MAP2: variants seen among roughly 807,000 people sequenced by gnomAD.
MAP2 encodes the protein microtubule associated protein 2.
MAP2 carries 14 observed loss-of-function variants against 137.6 expected under a neutral mutation model. That is an observed-to-expected ratio of 0.10 (90% CI 0.07 to 0.16). The LOEUF is 0.16. MAP2 is among the 10% of genes least tolerant of loss of function. The probability of loss-of-function intolerance (pLI) is 1.00; values close to 1 mark genes in which losing one functional copy is unlikely to be tolerated. For missense variants in MAP2, 2,088 were observed against 2,191.5 expected, an observed-to-expected ratio of 0.95 and a Z score of 0.94; for synonymous variants, 786 against 782.3, an observed-to-expected ratio of 1.00 and a Z score of -0.08.
In MAP2 at chr2:209,482,267, T is replaced by G. The variant is rs145679697; in HGVS notation, c.-221-25325T>G. 3.9e-3 allele frequency among the ~76,000 whole-genome samples: 588 copies of G among 152,290 alleles called. 5 individuals are homozygous for G. The highest frequency in any genetic ancestry group is 0.013 in the African/African-American group (559 of 41,552). On this transcript the variant is annotated intron_variant, in intron 1 of 15. Transcript: ENST00000682079. ...TCTCATACAGTATAGATATCCAACA[T>G]TACACAATATAGACATGAAAAAATG...
At chr2:209,458,051 A>G (rs1248262151) in intron 1 of MAP2, among the ~76,000 whole-genome samples, 1 of 152,146 alleles carries the variant, frequency 6.6e-6, no homozygotes, top group Admixed American at 6.5e-5. Flanking sequence ...TGTCCTGAGC[A>G]TTGGGATAAT....
chr2:209,637,990 T>G (rs1351165586), intron 4 of MAP2, among the ~76,000 whole-genome samples: 1 of 152,158 alleles, frequency 6.6e-6, no homozygotes, highest in Non-Finnish European at 1.5e-5. Flanking sequence ...GCCACATCTA[T>G]TAAGACTTTT....
chr2:209,440,351 T>A (rs1181580986), intron 1 of MAP2, among the ~76,000 whole-genome samples: 2 of 151,522 alleles, frequency 1.3e-5, no homozygotes, highest in Non-Finnish European at 3.0e-5. Context: ...TTTGAAAGAA[T>A]CAACACTATC....
chr2:209,450,851 A>T (rs565241642), intron 1 of MAP2, among the ~76,000 whole-genome samples: 7 of 152,298 alleles, frequency 4.6e-5, no homozygotes, highest in African/African-American at 1.7e-4. Context: ...GCAGTATAGT[A>T]TATAATATCA....
At chr2:209,538,552 T>TC (rs1250850578) in intron 2 of MAP2, among the ~76,000 whole-genome samples, 6 of 150,920 alleles carry the variant, frequency 4.0e-5, no homozygotes, top group African/African-American at 1.5e-4. Flanking sequence ...TTTTTTTTTT[T>TC]TCCTCTGTGT....
intron 1 of MAP2, among the ~76,000 whole-genome samples, chr2:209,443,000 A>G (rs772761678): frequency 2.0e-5 from 3 of 151,600 alleles, no homozygotes; most frequent in East Asian, 1.9e-4. Context: ...TATGAGCCAG[A>G]GTGATTGATC....
intron 2 of MAP2, among the ~76,000 whole-genome samples, chr2:209,514,511 T>G (rs1470781784): frequency 6.6e-6 from 1 of 152,096 alleles, no homozygotes; most frequent in Non-Finnish European, 1.5e-5. Flanking sequence ...TTTATTCTTT[T>G]CCTAAATTCA....
Position 209,730,428 on chromosome 2 carries a change from AT to A in MAP2, c.*34del. 1 of 1,543,208 alleles carries A rather than the reference AT, an allele frequency of 6.5e-7. No individual in the cohort carries two copies. The highest frequency in any genetic ancestry group is 8.9e-7 in the Non-Finnish European group (1 of 1,119,874). ...TCTCATTTAGCATTGAAATAATAAT[AT>A]TTAGGCATGAGCTCTTGGCAGGAGT... On this transcript the variant is annotated 3_prime_UTR_variant, in exon 16 of 16. Transcript: ENST00000682079.
chr2:209,645,622 CT>C (rs2094371641), intron 4 of MAP2, among the ~76,000 whole-genome samples: 1 of 152,078 alleles, frequency 6.6e-6, no homozygotes, highest in African/African-American at 2.4e-5. Flanking sequence ...TGAAAATAAG[CT>C]ATTGTGTGCT....
intron 2 of MAP2, among the ~76,000 whole-genome samples, chr2:209,556,281 C>T (rs1360221166): frequency 6.6e-6 from 1 of 152,032 alleles, no homozygotes; most frequent in Non-Finnish European, 1.5e-5. Context: ...TGAACTCAAG[C>T]GATCGTCCTG....
At chr2:209,481,541 T>C (rs984578960) in intron 1 of MAP2, among the ~76,000 whole-genome samples, 1 of 152,184 alleles carries the variant, frequency 6.6e-6, no homozygotes, top group African/African-American at 2.4e-5. Flanking sequence ...AGTCCATGGA[T>C]TGACCTATAC....
At chr2:209,424,607 C>T (rs1296604305) in intron 1 of MAP2, among the ~76,000 whole-genome samples, 1 of 152,168 alleles carries the variant, frequency 6.6e-6, no homozygotes, top group Non-Finnish European at 1.5e-5. Flanking sequence ...GCCAGTATTA[C>T]CTGCGCTGTG....
intron 1 of MAP2, among the ~76,000 whole-genome samples, chr2:209,492,772 C>A (rs753380280): frequency 1.3e-5 from 2 of 152,104 alleles, no homozygotes; most frequent in African/African-American, 4.8e-5. Flanking sequence ...CAAACCACTG[C>A]TCAAGGAAAT....
intron 8 of MAP2, 89 bp downstream of exon 8, chr2:209,696,439 A>C: frequency 2.0e-6 from 3 of 1,471,278 alleles, no homozygotes; most frequent in Non-Finnish European, 2.7e-6. Context: ...ATACCTCTTT[A>C]TCTCTTTATT....
At chr2:209,581,818 A>G (rs2076484029) in intron 3 of MAP2, among the ~76,000 whole-genome samples, 1 of 152,170 alleles carries the variant, frequency 6.6e-6, no homozygotes, top group Non-Finnish European at 1.5e-5. Flanking sequence ...ATTTGTCTGG[A>G]TATTGGAGAA....
intron 5 of MAP2, among the ~76,000 whole-genome samples, chr2:209,666,932 C>T (rs1238177168): frequency 2.0e-5 from 3 of 151,842 alleles, no homozygotes; most frequent in Non-Finnish European, 2.9e-5. Flanking sequence ...TGAATAATGG[C>T]AAGTTTCAAC....
intron 1 of MAP2, among the ~76,000 whole-genome samples, chr2:209,505,118 A>T (rs1258473780): frequency 6.6e-6 from 1 of 152,102 alleles, no homozygotes; most frequent in African/African-American, 2.4e-5. Flanking sequence ...GTGGAGCAAA[A>T]CAAAAAATAA....
chr2:209,672,673 G>A lies in MAP2; in HGVS notation c.263-5899G>A, dbSNP rs548448407. On this transcript the variant is annotated intron_variant, in intron 5 of 15. Coordinates refer to ENST00000682079, the MANE Select transcript of MAP2 (RefSeq NM_001375505.1). ...TCATAACAATGTCTAAATGGGACAA[G>A]CATATCTTTATCCATTATTTTGCTA... Among the ~76,000 whole-genome samples, 18 of 151,870 alleles carry A rather than the reference G, an allele frequency of 1.2e-4. No individual in the cohort carries two copies. The South Asian group carries it at 3.7e-3, about 32-fold the overall frequency.
chr2:209,629,890 A>G (rs893164572), intron 4 of MAP2, among the ~76,000 whole-genome samples: 1 of 152,196 alleles, frequency 6.6e-6, no homozygotes, highest in Non-Finnish European at 1.5e-5. Flanking sequence ...CTGATTTCTC[A>G]GTAATTCTGG....
Sources: allele counts gnomAD v4.1 joint callset (sites outside exome capture counted in the v4.1 genomes callset), GRCh38; gene constraint gnomAD v4.1.1; transcripts MANE v1.5; gene names NCBI Gene and HGNC (gene_info 2026-07-23, HGNC 2026-07-21).